The following RPTOR variants were observed in gnomAD, a reference collection of about 807,000 sequenced individuals.
RPTOR encodes the protein regulatory-associated protein of mTOR.
Under a neutral mutation model 169.9 loss-of-function variants are expected in RPTOR, and 21 were observed. That is an observed-to-expected ratio of 0.12 (90% CI 0.09 to 0.18). RPTOR has a LOEUF of 0.18. Ranked by LOEUF, RPTOR falls within the 10% of genes least tolerant of loss-of-function variation. RPTOR has a pLI of 1.00. For synonymous variants in RPTOR, 732 were observed against 753.2 expected, an observed-to-expected ratio of 0.97 and a Z score of 0.46; for missense variants, 1,133 against 1,855.9, an observed-to-expected ratio of 0.61 and a Z score of 7.16.
Position 80,744,052 on chromosome 17 carries a change from C to G in RPTOR, c.655-9958C>G, listed in dbSNP as rs145599853. Reference sequence around the variant, plus strand: ...ACTAGCACAGCCCTGGTTACTAGCACAGCCCTGGCTACTAGCACTGTCCTG... The same window carrying G: ...ACTAGCACAGCCCTGGTTACTAGCAGAGCCCTGGCTACTAGCACTGTCCTG... On this transcript the variant is annotated intron_variant, in intron 5 of 33. Coordinates refer to ENST00000306801, the MANE Select transcript of RPTOR (RefSeq NM_020761.3). Among the ~76,000 whole-genome samples the G allele has an allele frequency of 1.4e-4, 9 of 65,292 alleles. 1 individual carries two copies. In the South Asian group the frequency reaches 1.8e-3, roughly 13 times the overall value. The allele number at this position is 65,292 out of a possible 152,430, so 42.8% of individuals were successfully genotyped here. A position where few individuals can be genotyped will look rare whatever the true frequency, so the allele number is the denominator to read the frequency against.
At chr17:80,577,036 T>TAA (rs2143339001) in intron 1 of RPTOR, among the ~76,000 whole-genome samples, 2 of 151,422 alleles carry the variant, frequency 1.3e-5, no homozygotes, top group South Asian at 4.2e-4. Flanking sequence ...CATAATTCTT[T>TAA]TTTTTTTTTT....
At chr17:80,671,240 G>C (rs1241500639) in intron 3 of RPTOR, among the ~76,000 whole-genome samples, 1 of 152,180 alleles carries the variant, frequency 6.6e-6, no homozygotes. Context: ...CTGCCCGGCA[G>C]CCGATGGCCT....
rs184145388 is a variant in RPTOR, at chr17:80,591,668, C to T, written c.163-34023C>T. Among the ~76,000 whole-genome samples, 89 of 152,202 alleles carry T rather than the reference C, an allele frequency of 5.8e-4. 1 individual carries two copies. The East Asian group carries it at 0.013, about 23-fold the overall frequency. ...TGCTAGGATTACAGGCTTCAGCCACCGTGTCCAGCCTTTCTTTCTTGATTA... is the reference window on the plus strand; with the variant it reads ...TGCTAGGATTACAGGCTTCAGCCACTGTGTCCAGCCTTTCTTTCTTGATTA... On this transcript the variant is annotated intron_variant, in intron 1 of 33. Transcript: ENST00000306801.
At chr17:80,788,077 G>T (rs989137604) in intron 6 of RPTOR, among the ~76,000 whole-genome samples, 8 of 152,100 alleles carry the variant, frequency 5.3e-5, no homozygotes, top group Non-Finnish European at 1.5e-5. Context: ...AGTCTTCTGA[G>T]GCCATATGTG....
chr17:80,747,296 C>T (rs1346599022), intron 5 of RPTOR, among the ~76,000 whole-genome samples: 1 of 152,202 alleles, frequency 6.6e-6, no homozygotes, highest in African/African-American at 2.4e-5. Flanking sequence ...CTCGTCCATG[C>T]ACCCAGTAGT....
chr17:80,770,576 T>C (rs2066832832), intron 6 of RPTOR, among the ~76,000 whole-genome samples: 1 of 152,172 alleles, frequency 6.6e-6, no homozygotes, highest in Non-Finnish European at 1.5e-5. Context: ...CAGGTATGTC[T>C]GTCACCTACC....
chr17:80,700,736 G>GTGATGGTGATGGTAGAGATGA (rs1598236297), intron 3 of RPTOR, among the ~76,000 whole-genome samples: 1 of 48,138 alleles, frequency 2.1e-5, no homozygotes, highest in African/African-American at 8.5e-5. Flanking sequence ...GGTGATGATG[G>GTGATGGTGATGGTAGAGATGA]TGGTGGTGGT....
chr17:80,784,187 C>T (rs2066968710), intron 6 of RPTOR, among the ~76,000 whole-genome samples: 1 of 151,750 alleles, frequency 6.6e-6, no homozygotes, highest in African/African-American at 2.4e-5. Context: ...CTCGTGTCCT[C>T]AAGTGATCCT....
chr17:80,941,028 C>T (rs866226732), intron 25 of RPTOR, among the ~76,000 whole-genome samples: 79 of 152,324 alleles, frequency 5.2e-4, no homozygotes, highest in African/African-American at 1.3e-3. Flanking sequence ...GGTGTCGTTG[C>T]GCCAGGCCCT....
chr17:80,774,527 A>G (rs12452243), intron 6 of RPTOR, among the ~76,000 whole-genome samples: 37,316 of 152,108 alleles, frequency 0.25, 4,632 homozygotes, highest in South Asian at 0.28. Context: ...GGCAGAGCCA[A>G]ACAGGAGCCC....
intron 1 of RPTOR, among the ~76,000 whole-genome samples, chr17:80,611,419 A>G (rs1428615488): frequency 6.6e-6 from 1 of 151,822 alleles, no homozygotes; most frequent in Non-Finnish European, 1.5e-5. Context: ...GCACCACCAC[A>G]CCCAACTAAT....
intron 3 of RPTOR, among the ~76,000 whole-genome samples, chr17:80,668,241 A>G (rs1204187876): frequency 2.6e-5 from 4 of 152,182 alleles, no homozygotes; most frequent in African/African-American, 7.2e-5. Flanking sequence ...GAGGGTGGCT[A>G]CTGAGAGGTT....
In RPTOR at chr17:80,962,870, C is replaced by T. The variant is rs2069363405; in HGVS notation, c.3810-58C>T. On this transcript the variant is annotated intron_variant, in intron 32 of 33. Coordinates refer to ENST00000306801, the MANE Select transcript of RPTOR (RefSeq NM_020761.3). The stretch of plus-strand genomic sequence containing the variant: ...GTCCCCGCGGTCTCGGCATCTGCGC[C>T]CATCTTCCATCCTCAAAGAAGAGGG... 1.7e-5 allele frequency: 28 copies of T among 1,607,754 alleles called. No individual in the cohort carries two copies. The South Asian group carries it at 3.0e-4, about 17-fold the overall frequency.
intron 1 of RPTOR, among the ~76,000 whole-genome samples, chr17:80,580,484 A>G (rs1255600520): frequency 6.6e-6 from 1 of 152,128 alleles, no homozygotes; most frequent in East Asian, 1.9e-4. Flanking sequence ...TGACCGTTTC[A>G]TTGTTTTAAT....
In RPTOR at chr17:80,957,395, C is replaced by T. The variant is rs1290318537; in HGVS notation, c.3371-229C>T. On this transcript the variant is annotated intron_variant, in intron 28 of 33. Coordinates refer to ENST00000306801, the MANE Select transcript of RPTOR (RefSeq NM_020761.3). This position sits in a 1 kb window ranked among gnomAD's most constrained non-coding sequence, Gnocchi z 4.6. ...GAGTTCCAGCTCAGAATTGTCATCC[C>T]GGCCCGGACTTGGGAGTTCCAGCTC... 3.9e-5 allele frequency among the ~76,000 whole-genome samples: 6 copies of T among 152,278 alleles called. No individual in the cohort carries two copies. The South Asian group carries it at 6.2e-4, about 16-fold the overall frequency.
chr17:80,916,742 G>A (rs1468159938), intron 21 of RPTOR, among the ~76,000 whole-genome samples: 1 of 152,226 alleles, frequency 6.6e-6, no homozygotes, highest in African/African-American at 2.4e-5. Flanking sequence ...GCTCACACCT[G>A]TAATCCCAGC....
intron 13 of RPTOR, among the ~76,000 whole-genome samples, chr17:80,862,013 A>T (rs369589873): frequency 2.0e-5 from 3 of 152,276 alleles, no homozygotes; most frequent in African/African-American, 7.2e-5. Flanking sequence ...AAATGGCAGA[A>T]CGTGGCCATG....
chr17:80,794,402 T>G lies in RPTOR; in HGVS notation c.890+2893T>G, dbSNP rs1042074192. On this transcript the variant is annotated intron_variant, in intron 7 of 33. Transcript: ENST00000306801. ...ACACAGTGAGACAGCACTGTCCCTA[T>G]TAGAACGGATGACATTTAAAGACTG... is the stretch of plus-strand genomic sequence containing the variant. 2.0e-5 allele frequency among the ~76,000 whole-genome samples: 3 copies of G among 152,192 alleles called. No individual in the cohort carries two copies. In the East Asian group the frequency reaches 5.8e-4, roughly 29 times the overall value.
At chr17:80,962,244 T>G (rs531166680) in intron 31 of RPTOR, among the ~76,000 whole-genome samples, 543 of 152,330 alleles carry the variant, frequency 3.6e-3, no homozygotes, top group Admixed American at 5.5e-3. Flanking sequence ...AGAGAGCTTG[T>G]GGGGGACAGC....
Sources: allele counts gnomAD v4.1 joint callset (sites outside exome capture counted in the v4.1 genomes callset), GRCh38; gene constraint gnomAD v4.1.1; non-coding constraint Gnocchi (gnomAD v3.1); transcripts MANE v1.5; gene names NCBI Gene and HGNC (gene_info 2026-07-23, HGNC 2026-07-21).